Variants in PRKACB observed in about 807,000 individuals in gnomAD.
PRKACB encodes protein kinase cAMP-activated catalytic subunit beta, also known as cAMP-dependent protein kinase catalytic subunit beta.
A neutral mutation model predicts 51.4 loss-of-function variants in PRKACB; 16 were observed. The ratio of observed to expected loss-of-function variants is 0.31; its 90% CI spans 0.21 to 0.47. The LOEUF is 0.47. Ranked by LOEUF, PRKACB falls within the 20% of genes least tolerant of loss-of-function variation. The pLI, the probability that PRKACB is intolerant of heterozygous loss-of-function variation, is 1.00. For missense variants in PRKACB, 309 were observed against 464.5 expected (o/e 0.67, Z 3.08); for synonymous variants, 147 against 154.4 (o/e 0.95, Z 0.35).
At chr1:84,098,441 A>G (rs925721740) in intron 1 of PRKACB, among the ~76,000 whole-genome samples, 8 of 152,078 alleles carry the variant, frequency 5.3e-5, no homozygotes, top group Admixed American at 3.9e-4. Flanking sequence ...TTGTTCTTCT[A>G]AAAGACCTAT....
chr1:84,082,421 A>G (rs1647610740), intron 1 of PRKACB, among the ~76,000 whole-genome samples: 1 of 152,148 alleles, frequency 6.6e-6, no homozygotes, highest in African/African-American at 2.4e-5. Context: ...ATCTTTTCAG[A>G]TTCAATATAG....
chr1:84,088,776 A>C (rs1424649838), intron 1 of PRKACB, among the ~76,000 whole-genome samples: 1 of 152,216 alleles, frequency 6.6e-6, no homozygotes, highest in East Asian at 1.9e-4. Flanking sequence ...ACTTTAAACC[A>C]GGCACTATGC....
chr1:84,131,216 T>G (rs932423243), intron 1 of PRKACB, among the ~76,000 whole-genome samples: 1 of 151,872 alleles, frequency 6.6e-6, no homozygotes, highest in South Asian at 2.1e-4. Flanking sequence ...AATTAGGTAG[T>G]CGTGGTGGCG....
chr1:84,190,445 A>G (rs1020147933), intron 5 of PRKACB, among the ~76,000 whole-genome samples: 16 of 149,842 alleles, frequency 1.1e-4, no homozygotes, highest in Admixed American at 1.0e-3. Flanking sequence ...AGTTATTTTT[A>G]TTAGCCAATT....
intron 5 of PRKACB, among the ~76,000 whole-genome samples, chr1:84,189,946 C>A (rs1000113130): frequency 2.6e-5 from 4 of 151,930 alleles, no homozygotes; most frequent in Non-Finnish European, 5.9e-5. Flanking sequence ...TTTCCAATTT[C>A]TTTCCCTAAC....
intron 1 of PRKACB, among the ~76,000 whole-genome samples, chr1:84,105,724 C>T (rs1036602797): frequency 8.5e-5 from 13 of 152,090 alleles, no homozygotes; most frequent in South Asian, 6.2e-4. Context: ...TACAGGTGCA[C>T]GCCACCACAG....
intron 9 of PRKACB, among the ~76,000 whole-genome samples, chr1:84,221,479 A>T (rs1273367736): frequency 1.3e-5 from 2 of 150,280 alleles, no homozygotes; most frequent in Non-Finnish European, 3.0e-5. Context: ...TCCTTCTACT[A>T]ATTTTGTTTG....
At chr1:84,080,756 C>T (rs1032194991) in intron 1 of PRKACB, among the ~76,000 whole-genome samples, 1 of 150,762 alleles carries the variant, frequency 6.6e-6, no homozygotes, top group Non-Finnish European at 1.5e-5. Flanking sequence ...AGAGATCAGC[C>T]TGTACAATCA....
intron 1 of PRKACB, among the ~76,000 whole-genome samples, chr1:84,106,281 A>G (rs917318444): frequency 6.6e-6 from 1 of 152,178 alleles, no homozygotes; most frequent in African/African-American, 2.4e-5. Flanking sequence ...CAAGAGAAAG[A>G]TAAAAGGCAT....
chr1:84,147,319 G>A lies in PRKACB; in HGVS notation c.187+2771G>A, dbSNP rs540554991. Among the ~76,000 whole-genome samples the A allele has an allele frequency of 5.9e-5, 9 of 152,004 alleles. No homozygotes were observed. The South Asian group carries it at 1.9e-3, about 32-fold the overall frequency. On this transcript the variant is annotated intron_variant, in intron 1 of 9. Coordinates refer to ENST00000370685, the MANE Select transcript of PRKACB (RefSeq NM_182948.4). The stretch of plus-strand genomic sequence containing the variant: ...TGGTTACAGTAGACCACTTCAGTCA[G>A]TTTTACCTTTGCAAATTTTATACAA...
intron 1 of PRKACB, among the ~76,000 whole-genome samples, chr1:84,165,892 T>G (rs998193271): frequency 2.6e-5 from 4 of 151,778 alleles, no homozygotes; most frequent in Non-Finnish European, 5.9e-5. Context: ...GAATATGGTT[T>G]CTCTGATAAC....
intron 1 of PRKACB, among the ~76,000 whole-genome samples, chr1:84,159,962 C>T (rs1022161101): frequency 4.6e-5 from 7 of 152,062 alleles, no homozygotes; most frequent in African/African-American, 1.7e-4. Context: ...TCTGTATATA[C>T]TGCTAGATTA....
At chr1:84,142,825 C>CA (rs1653556042), upstream of PRKACB, among the ~76,000 whole-genome samples, 1 of 152,108 alleles carries the variant, frequency 6.6e-6, no homozygotes, top group African/African-American at 2.4e-5. Flanking sequence ...TCAGTGTTTT[C>CA]TTATTGGCCT....
chr1:84,179,091 G>A (rs1042303262), intron 1 of PRKACB, 86 bp from the exon 2 acceptor site: 2 of 1,384,640 alleles, frequency 1.4e-6, no homozygotes, highest in Non-Finnish European at 2.0e-6. Flanking sequence ...TTTTTTAAGT[G>A]AGAAAACCAT....
intron 1 of PRKACB, among the ~76,000 whole-genome samples, chr1:84,080,858 A>G (rs1213145853): frequency 6.6e-6 from 1 of 152,008 alleles, no homozygotes; most frequent in Admixed American, 6.5e-5. Context: ...TGATGCCTGG[A>G]CTCCATTCAG....
At chr1:84,117,757 G>A (rs913471029) in intron 1 of PRKACB, among the ~76,000 whole-genome samples, 4 of 152,068 alleles carry the variant, frequency 2.6e-5, no homozygotes, top group South Asian at 2.1e-4. Context: ...TTTGTTGATC[G>A]TTTATGTTGT....
chr1:84,201,618 G>A (rs184400669), intron 7 of PRKACB, among the ~76,000 whole-genome samples: 41 of 152,102 alleles, frequency 2.7e-4, no homozygotes, highest in African/African-American at 4.8e-5. Flanking sequence ...TCTCTATAGC[G>A]CTAAAGTATT....
At chr1:84,208,797 C>T (rs1394480118) in intron 8 of PRKACB, among the ~76,000 whole-genome samples, 1 of 152,066 alleles carries the variant, frequency 6.6e-6, no homozygotes, top group Non-Finnish European at 1.5e-5. Context: ...TCTTTTCATA[C>T]CTGCCAGATG....
chr1:84,151,107 A>G (rs969606696), intron 1 of PRKACB, among the ~76,000 whole-genome samples: 5 of 152,142 alleles, frequency 3.3e-5, no homozygotes, highest in Admixed American at 6.5e-5. Context: ...AGCAATTTTC[A>G]TGTAGTCATA....
Sources: gnomAD v4.1 joint callset for allele counts (sites outside exome capture counted in the v4.1 genomes callset) on GRCh38, gnomAD v4.1.1 for gene constraint, MANE v1.5 for transcripts, NCBI Gene and HGNC (gene_info 2026-07-23, HGNC 2026-07-21) for gene names.